Variants in PLAAT4 observed in about 807,000 individuals in gnomAD.
PLAAT4 encodes phospholipase A and acyltransferase 4, also known as HRAS-like suppressor 4.
In PLAAT4, 12 loss-of-function variants were observed where a neutral mutation model predicts 14.1. The ratio of observed to expected loss-of-function variants is 0.85; its 90% CI spans 0.54 to 1.37. The LOEUF (loss-of-function observed/expected upper bound fraction) is 1.37, where lower values mean the gene tolerates loss of function less well. Ranked by LOEUF, PLAAT4 falls within the 40% of genes most tolerant of loss-of-function variation. The probability of loss-of-function intolerance (pLI) is 0.00; values close to 1 mark genes in which losing one functional copy is unlikely to be tolerated. For missense variants in PLAAT4, 163 were observed against 211.7 expected (o/e 0.77, Z 1.43); for synonymous variants, 77 against 79.8 (o/e 0.96, Z 0.19).
rs75946816 is a variant in PLAAT4, at chr11:63,546,071, G to A, written c.388-78G>A. 2.0e-3 allele frequency: 2,204 copies of A among 1,118,684 alleles called. 36 individuals are homozygous for A. In the African/African-American group the frequency reaches 0.03, roughly 15 times the overall value. The allele number at this position is 1,118,684 out of a possible 1,614,324, so 69.3% of individuals were successfully genotyped here. A position where few individuals can be genotyped will look rare whatever the true frequency, so the allele number is the denominator to read the frequency against. On this transcript the variant is annotated intron_variant, in intron 3 of 3. Coordinates refer to ENST00000255688, the MANE Select transcript of PLAAT4 (RefSeq NM_004585.5). ...GGCAGGAGAGAGGGGAGAGGGAGAG[G>A]AGTTCCAGGCCCTTGGGAGGGAGAA...
rs1276505938 is a variant in PLAAT4, at chr11:63,541,654, G to A, written c.118+2030G>A. On this transcript the variant is annotated intron_variant, in intron 2 of 3. Transcript: ENST00000255688. ...GCATAAACATTCTGATTTAATAAATGGTATGAATATATATTTTGCATACTT... is the reference window on the plus strand; with the variant it reads ...GCATAAACATTCTGATTTAATAAATAGTATGAATATATATTTTGCATACTT... Among the ~76,000 whole-genome samples the A allele has an allele frequency of 4.2e-5, 6 of 142,848 alleles. No homozygotes were observed. The East Asian group carries it at 1.3e-3, about 31-fold the overall frequency. The allele number at this position is 142,848 out of a possible 152,430, so 93.7% of individuals were successfully genotyped here. A position where few individuals can be genotyped will look rare whatever the true frequency, so the allele number is the denominator to read the frequency against.
At chr11:63,537,712 A>G (rs4963271) in intron 1 of PLAAT4, among the ~76,000 whole-genome samples, 50,060 of 152,134 alleles carry the variant, frequency 0.33, 11,486 homozygotes, top group African/African-American at 0.66. Context: ...CCCACATGGA[A>G]ACCATCTCCT....
chr11:63,540,624 A>C (rs994465042), intron 2 of PLAAT4, among the ~76,000 whole-genome samples: 1 of 152,154 alleles, frequency 6.6e-6, no homozygotes, highest in Non-Finnish European at 1.5e-5. Context: ...TCAGGAGTTC[A>C]AGACGAGCCT....
intron 2 of PLAAT4, among the ~76,000 whole-genome samples, chr11:63,539,976 T>C (rs1410347624): frequency 6.6e-6 from 1 of 152,134 alleles, no homozygotes; most frequent in Non-Finnish European, 1.5e-5. Context: ...AATAAAAAAA[T>C]AAGTCAATGA....
At chr11:63,540,062 T>C (rs1264242953) in intron 2 of PLAAT4, among the ~76,000 whole-genome samples, 1 of 152,244 alleles carries the variant, frequency 6.6e-6, no homozygotes, top group African/African-American at 2.4e-5. Context: ...CTTGATGAGA[T>C]TGCACACACA....
intron 3 of PLAAT4, among the ~76,000 whole-genome samples, chr11:63,545,609 C>T (rs1188483055): frequency 6.6e-6 from 1 of 152,072 alleles, no homozygotes; most frequent in Non-Finnish European, 1.5e-5. Flanking sequence ...GGAGTTTAGG[C>T]TGAAGTACAG....
chr11:63,545,092 C>T (rs2017353640), intron 3 of PLAAT4: 2 of 688,908 alleles, frequency 2.9e-6, no homozygotes, highest in Admixed American at 5.1e-5. Flanking sequence ...CCAGGCCTCT[C>T]CATGTGCAGA....
chr11:63,541,595 G>T (rs1590663880), intron 2 of PLAAT4, among the ~76,000 whole-genome samples: 1 of 140,920 alleles, frequency 7.1e-6, no homozygotes. Context: ...ACAGTGATGT[G>T]ATTACAGCTC....
chr11:63,544,736 C>T lies in PLAAT4; in HGVS notation c.234C>T (p.Asn78=), dbSNP rs750686238. 7.4e-6 allele frequency: 12 copies of T among 1,614,084 alleles called. No homozygotes were observed. The highest frequency in any genetic ancestry group is 2.2e-5 in the South Asian group (2 of 91,082). The part of the protein sequence containing the change: ...VVGGCCYRVN[N]SLDHEYQPRP... Reference sequence around the variant, plus strand: ...GAGGCTGTTGCTATCGGGTCAACAACAGCTTGGACCATGAGTACCAACCAC... The same window carrying T: ...GAGGCTGTTGCTATCGGGTCAACAATAGCTTGGACCATGAGTACCAACCAC... The change falls in exon 3 of 4, where the codon AAC becomes AAT. Residue 78 remains asparagine (N), a synonymous_variant. Coordinates refer to ENST00000255688, the MANE Select transcript of PLAAT4 (RefSeq NM_004585.5).
chr11:63,539,684 G>T, intron 2 of PLAAT4, 60 bp downstream of exon 2: 2 of 1,325,392 alleles, frequency 1.5e-6, no homozygotes, highest in Non-Finnish European at 2.1e-6. Context: ...TGAGAGGGCC[G>T]GGCACGGTGG....
intron 2 of PLAAT4, among the ~76,000 whole-genome samples, chr11:63,541,836 T>C (rs547488630): frequency 7.2e-4 from 109 of 152,128 alleles, no homozygotes; most frequent in Non-Finnish European, 1.4e-3. Flanking sequence ...AGCACATATA[T>C]CCAATTATGT....
chr11:63,536,907 C>G (rs2017274947), intron 1 of PLAAT4, 30 bp downstream of exon 1: 3 of 1,607,258 alleles, frequency 1.9e-6, no homozygotes, highest in Non-Finnish European at 2.5e-6. Flanking sequence ...GCATTACTGA[C>G]TCTACAGCAG....
At chr11:63,545,107 G>T (rs1414312981) in intron 3 of PLAAT4, 5 of 642,770 alleles carry the variant, frequency 7.8e-6, no homozygotes, top group South Asian at 3.8e-5. Flanking sequence ...TGCAGAGGAG[G>T]GGGTGGATGG....
At chr11:63,539,379 A>G in intron 1 of PLAAT4, 137 bp from the exon 2 acceptor site, 3 of 717,000 alleles carry the variant, frequency 4.2e-6, no homozygotes, top group Middle Eastern at 7.7e-4. Context: ...AAGTGACAGC[A>G]GGGCTGAGGA....
intron 3 of PLAAT4, 121 bp from the exon 4 acceptor site, chr11:63,546,028 A>C (rs1359978425): frequency 2.5e-6 from 2 of 796,502 alleles, no homozygotes; most frequent in Middle Eastern, 3.7e-4. Flanking sequence ...AAGAGAGGAG[A>C]TGCCAGGCCT....
chr11:63,543,722 AATAAG>A (rs1370641178), intron 2 of PLAAT4, among the ~76,000 whole-genome samples: 2 of 152,242 alleles, frequency 1.3e-5, no homozygotes, highest in African/African-American at 2.4e-5. Context: ...TTTTAATAAA[AATAAG>A]ATAACACCTG....
chr11:63,538,604 T>A (rs1197713980), intron 1 of PLAAT4, among the ~76,000 whole-genome samples: 1 of 149,940 alleles, frequency 6.7e-6, no homozygotes, highest in Non-Finnish European at 1.5e-5. Flanking sequence ...ACAGAGAGGG[T>A]GAAAATGGAA....
intron 3 of PLAAT4, chr11:63,545,234 C>A: frequency 1.8e-6 from 1 of 548,586 alleles, no homozygotes; most frequent in South Asian, 2.6e-5. Context: ...TGCAACCCCC[C>A]AAAGAGTACT....
chr11:63,543,661 G>A (rs760483838), intron 2 of PLAAT4, among the ~76,000 whole-genome samples: 3 of 152,160 alleles, frequency 2.0e-5, no homozygotes, highest in South Asian at 2.1e-4. Flanking sequence ...GATTAGAAAC[G>A]GGGCAAAAGA....
Sources: gnomAD v4.1 joint callset for allele counts (sites outside exome capture counted in the v4.1 genomes callset) on GRCh38, gnomAD v4.1.1 for gene constraint, MANE v1.5 for transcripts, NCBI Gene and HGNC (gene_info 2026-07-23, HGNC 2026-07-21) for gene names.